Variants in SNX2 observed in about 807,000 individuals in gnomAD.
The protein encoded by SNX2 is sorting nexin 2.
In SNX2, 25 loss-of-function variants were observed where a neutral mutation model predicts 69.9. The observed-to-expected ratio is 0.36, with a 90% CI of 0.26 to 0.50. SNX2 has a LOEUF of 0.50. SNX2 is among the 20% of genes least tolerant of loss of function. The pLI, the probability that SNX2 is intolerant of heterozygous loss-of-function variation, is 0.97. For synonymous variants in SNX2, 229 were observed against 200.4 expected (o/e 1.14, Z -1.20); for missense variants, 551 against 613.3 (o/e 0.90, Z 1.07).
At chr5:122,809,279 G>A (rs1259747088) in intron 7 of SNX2, among the ~76,000 whole-genome samples, 2 of 152,078 alleles carry the variant, frequency 1.3e-5, no homozygotes, top group Non-Finnish European at 2.9e-5. Context: ...TGCAGATTTT[G>A]GTATCCATAG....
chr5:122,815,188 G>C (rs1288799629), intron 7 of SNX2, among the ~76,000 whole-genome samples: 1 of 152,162 alleles, frequency 6.6e-6, no homozygotes, highest in Admixed American at 6.5e-5. Flanking sequence ...AAGGGAAATT[G>C]ATTTCATAGT....
At chr5:122,827,316 TG>T in intron 12 of SNX2, 62 bp from the exon 13 acceptor site, 1 of 1,295,482 alleles carries the variant, frequency 7.7e-7, no homozygotes, top group Non-Finnish European at 1.1e-6. Flanking sequence ...ATTAAGTGAG[TG>T]GTCTTGACAG....
chr5:122,784,670 G>T (rs950018500), intron 1 of SNX2, among the ~76,000 whole-genome samples: 13 of 151,940 alleles, frequency 8.6e-5, no homozygotes. Context: ...TTAGGCTTTT[G>T]TGTCTGTGTT....
At chr5:122,813,446 A>G (rs1753826015) in intron 7 of SNX2, among the ~76,000 whole-genome samples, 2 of 152,108 alleles carry the variant, frequency 1.3e-5, no homozygotes, top group African/African-American at 4.8e-5. Flanking sequence ...TCATTTTTCA[A>G]AATTGATTCT....
chr5:122,829,730 C>A lies in SNX2; in HGVS notation c.*82C>A. ...CCACAGTGAAATCATTTAAAACCAT[C>A]TAAATAAACCACTATATATTTTATG... On this transcript the variant is annotated 3_prime_UTR_variant, in exon 15 of 15. Transcript: ENST00000379516. 1 of 1,030,442 alleles carries A rather than the reference C, an allele frequency of 9.7e-7. No homozygotes were observed. Among genetic ancestry groups the A allele is most frequent in the Non-Finnish European group, 1.5e-6 (1 of 657,428 alleles). 63.8% of individuals were successfully genotyped at this position (1,030,442 alleles called of 1,614,324 possible). A position where few individuals can be genotyped will look rare whatever the true frequency, so the allele number is the denominator to read the frequency against.
At chr5:122,778,872 CCTA>C (rs2149999295) in intron 1 of SNX2, among the ~76,000 whole-genome samples, 1 of 152,084 alleles carries the variant, frequency 6.6e-6, no homozygotes, top group East Asian at 1.9e-4. Context: ...ATTTCAAACT[CCTA>C]CTGTATGTTT....
chr5:122,799,053 T>A (rs1029695919), intron 2 of SNX2, among the ~76,000 whole-genome samples: 2 of 152,212 alleles, frequency 1.3e-5, no homozygotes, highest in Non-Finnish European at 2.9e-5. Flanking sequence ...CACAATGTTA[T>A]GTAGCCTGTA....
chr5:122,802,714 G>A (rs1753544054), intron 5 of SNX2, among the ~76,000 whole-genome samples: 1 of 152,202 alleles, frequency 6.6e-6, no homozygotes, highest in Non-Finnish European at 1.5e-5. Flanking sequence ...AGGATTGTAT[G>A]CCTTTAAATA....
intron 1 of SNX2, among the ~76,000 whole-genome samples, chr5:122,785,845 A>G (rs1224878713): frequency 1.3e-5 from 2 of 152,144 alleles, no homozygotes; most frequent in Non-Finnish European, 2.9e-5. Flanking sequence ...AAGAATGTAT[A>G]TATAGTCTGT....
At chr5:122,817,479 A>T in intron 10 of SNX2, 106 bp downstream of exon 10, 1 of 736,420 alleles carries the variant, frequency 1.4e-6, no homozygotes. Flanking sequence ...AGAAGAGAGA[A>T]AACAATCATT....
chr5:122,808,746 T>G (rs1753706312), intron 7 of SNX2: 1 of 157,682 alleles, frequency 6.3e-6, no homozygotes. Context: ...GGGGGAAAAA[T>G]AAAAATTTTT....
intron 6 of SNX2, among the ~76,000 whole-genome samples, chr5:122,806,138 G>GCGCGCA (rs1753643456): frequency 1.6e-5 from 1 of 61,544 alleles, no homozygotes; most frequent in African/African-American, 4.6e-5. Flanking sequence ...ATACACACGC[G>GCGCGCA]CGCGCACACA....
intron 1 of SNX2, among the ~76,000 whole-genome samples, chr5:122,789,519 G>A (rs1057072760): frequency 4.0e-5 from 6 of 149,488 alleles, no homozygotes; most frequent in African/African-American, 1.2e-4. Context: ...CCTCTAGCCC[G>A]AAAGATGAGG....
At chr5:122,821,034 A>G (rs1193258690) in intron 11 of SNX2, among the ~76,000 whole-genome samples, 1 of 152,232 alleles carries the variant, frequency 6.6e-6, no homozygotes, top group Non-Finnish European at 1.5e-5. Flanking sequence ...ATTAGTTTCT[A>G]CTGAAACCTA....
chr5:122,794,039 AGT>A (rs1410172840), intron 1 of SNX2, among the ~76,000 whole-genome samples: 1 of 151,962 alleles, frequency 6.6e-6, no homozygotes, highest in Non-Finnish European at 1.5e-5. Flanking sequence ...GAAGTACAAG[AGT>A]GGCTCATTCC....
rs141703385 is a variant in SNX2 at position 122,816,986 on chromosome 5, C to G, written c.870C>G (p.Asp290Glu). 1.3e-5 allele frequency: 21 copies of G among 1,613,770 alleles called. No individual in the cohort carries two copies. The highest frequency in any genetic ancestry group is 2.2e-5 in the South Asian group (2 of 91,066). ...TGAGGATGGTGAACAAGGCTGCCGA[C>G]GCTGTCAACAAAATGACAATCAAGA... The part of the protein sequence containing the change: ...GILRMVNKAA[D>E]AVNKMTIKMN... The change falls in exon 9 of 15, where the codon GAC becomes GAG. Residue 290 changes from aspartate (D) to glutamate (E), a missense_variant. Asp to Glu is a conservative substitution (Grantham distance 45, BLOSUM62 2). Transcript: ENST00000379516.
At chr5:122,806,142 G>GCACGCGCACGCACACACACACACACACA (rs1554063175) in intron 6 of SNX2, among the ~76,000 whole-genome samples, 2 of 130,584 alleles carry the variant, frequency 1.5e-5, no homozygotes, top group African/African-American at 5.8e-5. Context: ...ACACGCGCGC[G>GCACGCGCACGCACACACACACACACACA]CACACACACA....
At chr5:122,777,207 C>T (rs558477190) in intron 1 of SNX2, among the ~76,000 whole-genome samples, 82 of 152,252 alleles carry the variant, frequency 5.4e-4, no homozygotes, top group Non-Finnish European at 9.7e-4. Flanking sequence ...ATGCAGATGC[C>T]TGTGCCTCAC....
Position 122,815,169 on chromosome 5 carries a change from T to G in SNX2, c.723-727T>G, listed in dbSNP as rs1753874972. 5.3e-5 allele frequency among the ~76,000 whole-genome samples: 8 copies of G among 152,248 alleles called. No homozygotes were observed. In the South Asian group the frequency reaches 1.4e-3, roughly 28 times the overall value. On this transcript the variant is annotated intron_variant, in intron 7 of 14. Coordinates refer to ENST00000379516, the MANE Select transcript of SNX2 (RefSeq NM_003100.4). Reference sequence around the variant, plus strand: ...TATGGGTGACAGGCACATGTGAGCTTTTCTAATAAAGGGAAATTGATTTCA... The same window carrying G: ...TATGGGTGACAGGCACATGTGAGCTGTTCTAATAAAGGGAAATTGATTTCA...
Sources: gnomAD v4.1 joint callset for allele counts (sites outside exome capture counted in the v4.1 genomes callset) on GRCh38, gnomAD v4.1.1 for gene constraint, MANE v1.5 for transcripts, NCBI Gene and HGNC (gene_info 2026-07-23, HGNC 2026-07-21) for gene names.